The following SPC25 variants were observed in gnomAD, a reference collection of about 807,000 sequenced individuals.
SPC25 encodes the protein kinetochore protein Spc25.
SPC25 carries 22 observed loss-of-function variants against 29.6 expected under a neutral mutation model. That is an observed-to-expected ratio of 0.74 (90% CI 0.53 to 1.06). The LOEUF (loss-of-function observed/expected upper bound fraction) is 1.06. Among genes scored for constraint, SPC25 ranks in the 50% least tolerant of loss-of-function variants. The pLI is 0.00. For synonymous variants in SPC25, 91 were observed against 90.4 expected, an observed-to-expected ratio of 1.01 and a Z score of -0.04; for missense variants, 230 against 255.8, an observed-to-expected ratio of 0.90 and a Z score of 0.69.
chr2:168,861,838 C>G (rs1200233702), intron 4 of SPC25: 1 of 842,000 alleles, frequency 1.2e-6, no homozygotes, highest in East Asian at 2.6e-5. Flanking sequence ...TACAAACTTT[C>G]CTTTTGAGAA....
rs151239326 is a variant in SPC25, at chr2:168,878,846, G to A, written c.200-1462C>T. On this transcript the variant is annotated intron_variant, in intron 3 of 6. Transcript: ENST00000282074. ...GTGCTATTTTTAAGTACTGGCATAC[G>A]TTGGAGATATTGCAAGTTCTATTCC... Among the ~76,000 whole-genome samples, 14 of 152,178 alleles carry A rather than the reference G, an allele frequency of 9.2e-5. No individual in the cohort carries two copies. The East Asian group carries it at 2.7e-3, about 29-fold the overall frequency.
chr2:168,868,617 A>G (rs952357867), downstream of SPC25, among the ~76,000 whole-genome samples: 1 of 152,240 alleles, frequency 6.6e-6, no homozygotes, highest in African/African-American at 2.4e-5. Flanking sequence ...AGAAATGGAT[A>G]AATTCCTCGA....
intron 4 of SPC25, among the ~76,000 whole-genome samples, chr2:168,862,837 A>G (rs998698152): frequency 1.1e-4 from 17 of 152,234 alleles, no homozygotes; most frequent in Non-Finnish European, 1.8e-4. Context: ...TTAGTGAGAA[A>G]GAGTAACGTT....
In SPC25 at chr2:168,871,216, G is replaced by C; in HGVS notation, c.*215C>G. 3.8e-6 allele frequency: 1 copy of C among 262,016 alleles called. No homozygotes were observed. Among genetic ancestry groups the C allele is most frequent in the Non-Finnish European group, 7.0e-6 (1 of 141,908 alleles). 16.2% of individuals were successfully genotyped at this position (262,016 alleles called of 1,614,324 possible). A position where few individuals can be genotyped will look rare whatever the true frequency, so the allele number is the denominator to read the frequency against. The stretch of plus-strand genomic sequence containing the variant: ...ACAACGGGGACTGTTGTGGGTTGGG[G>C]GAGGGGGGAGGGATAGCATTAGGAG... On this transcript the variant is annotated 3_prime_UTR_variant, in exon 7 of 7. Coordinates refer to ENST00000282074, the MANE Select transcript of SPC25 (RefSeq NM_020675.4).
chr2:168,889,012 TATATATATACACATATATATAC>T (rs1270531071), intron 3 of SPC25, among the ~76,000 whole-genome samples, 192 bp downstream of exon 3: 1 of 62,602 alleles, frequency 1.6e-5, no homozygotes, highest in Non-Finnish European at 3.3e-5. Context: ...CACATATATG[TATATATATACACATATATATAC>T]ATATATATAT....
downstream of SPC25, among the ~76,000 whole-genome samples, chr2:168,870,290 G>C (rs1052515596): frequency 4.6e-5 from 7 of 151,656 alleles, no homozygotes; most frequent in Non-Finnish European, 1.0e-4. Flanking sequence ...TCAGGACATA[G>C]GCATGGGCAA....
rs1214096586 is a variant in SPC25, at chr2:168,871,193, A to T, written c.*238T>A. The T allele has an allele frequency of 2.4e-5, 5 of 211,686 alleles. No homozygotes were observed. The Admixed American group carries it at 2.6e-4, about 11-fold the overall frequency. The allele number at this position is 211,686 out of a possible 1,614,324, so 13.1% of individuals were successfully genotyped here. A position where few individuals can be genotyped will look rare whatever the true frequency, so the allele number is the denominator to read the frequency against. ...GGACACAGGAAGGGGAACATCACAC[A>T]ACGGGGACTGTTGTGGGTTGGGGGA... On this transcript the variant is annotated 3_prime_UTR_variant, in exon 7 of 7. Coordinates refer to ENST00000282074, the MANE Select transcript of SPC25 (RefSeq NM_020675.4).
chr2:168,875,417 T>A (rs1329484474), intron 5 of SPC25, among the ~76,000 whole-genome samples: 1 of 152,180 alleles, frequency 6.6e-6, no homozygotes, highest in African/African-American at 2.4e-5. Context: ...TCCTATACAT[T>A]CATACCTATG....
intron 3 of SPC25, among the ~76,000 whole-genome samples, chr2:168,879,185 C>T (rs936686725): frequency 1.1e-4 from 16 of 152,136 alleles, no homozygotes; most frequent in Admixed American, 9.2e-4. Flanking sequence ...TATAATAGGA[C>T]AACAATAAAG....
Position 168,873,692 on chromosome 2 carries a change from A to T in SPC25, c.452-9T>A. 6.4e-7 allele frequency: 1 copy of T among 1,574,074 alleles called. No individual in the cohort carries two copies. The highest frequency in any genetic ancestry group is 8.7e-7 in the Non-Finnish European group (1 of 1,144,670). On this transcript the variant is annotated splice_polypyrimidine_tract_variant and intron_variant, in intron 5 of 6. Coordinates refer to ENST00000282074, the MANE Select transcript of SPC25 (RefSeq NM_020675.4). ...AAACTGCAATTTCTCACCTGAAAAG[A>T]GATTAAACTATTTAGTGTGTCAAAG... is the stretch of plus-strand genomic sequence containing the variant.
intron 3 of SPC25, among the ~76,000 whole-genome samples, chr2:168,882,077 T>C (rs1690185355): frequency 6.6e-6 from 1 of 152,224 alleles, no homozygotes; most frequent in South Asian, 2.1e-4. Flanking sequence ...GATCTGGATA[T>C]ATGAAGAGAT....
intron 6 of SPC25, among the ~76,000 whole-genome samples, chr2:168,873,296 G>C (rs1288421919): frequency 6.6e-6 from 1 of 152,070 alleles, no homozygotes; most frequent in Admixed American, 6.6e-5. Flanking sequence ...TATCTAAAAG[G>C]ACAATTCATA....
rs1690333371 is a variant in SPC25 at position 168,889,026 on chromosome 2, T to TATATATACAC, written c.199+199_199+200insGTGTATATAT. Among the ~76,000 whole-genome samples the TATATATACAC allele has an allele frequency of 3.9e-5, 2 of 51,748 alleles. 1 individual carries two copies. Among genetic ancestry groups the TATATATACAC allele is most frequent in the African/African-American group, 1.6e-4 (2 of 12,554 alleles). The allele number at this position is 51,748 out of a possible 152,430, so 33.9% of individuals were successfully genotyped here. On this transcript the variant is annotated intron_variant, in intron 3 of 6. Coordinates refer to ENST00000282074, the MANE Select transcript of SPC25 (RefSeq NM_020675.4). ...ACACATATATGTATATATATACACA[T>TATATATACAC]ATATATACATATATATATACACATA...
At chr2:168,890,248 C>T (rs760042674) in intron 1 of SPC25, 70 bp downstream of exon 1, 10 of 809,230 alleles carry the variant, frequency 1.2e-5, no homozygotes, top group Non-Finnish European at 1.5e-5. Flanking sequence ...ACACATCCCG[C>T]CCTCAAATTC....
At chr2:168,882,593 C>T (rs893356758) in intron 3 of SPC25, among the ~76,000 whole-genome samples, 1 of 149,360 alleles carries the variant, frequency 6.7e-6, no homozygotes, top group Admixed American at 6.8e-5. Context: ...AGGGCGAGAC[C>T]CTGTCTCAAA....
At chr2:168,876,229 GCTCA>G (rs894880606) in intron 4 of SPC25, 53 bp from the exon 5 acceptor site, 8 of 1,199,882 alleles carry the variant, frequency 6.7e-6, no homozygotes, top group South Asian at 3.3e-5. Flanking sequence ...GCAAATTAAT[GCTCA>G]CTGAGTTAAT....
chr2:168,880,862 CA>C (rs879577880), intron 3 of SPC25, among the ~76,000 whole-genome samples: 1 of 152,186 alleles, frequency 6.6e-6, no homozygotes. Flanking sequence ...TTAAGTTTGT[CA>C]TCTTATATGG....
Position 168,871,575 on chromosome 2 carries a change from A to C in SPC25, c.551-20T>G. ...CTGACACTAGAAAAAAAAAAAAAAG[A>C]AATCAAAGACAATTAGAATGAGTTT... On this transcript the variant is annotated intron_variant, in intron 6 of 6. Coordinates refer to ENST00000282074, the MANE Select transcript of SPC25 (RefSeq NM_020675.4). The C allele has an allele frequency of 6.8e-7, 1 of 1,466,748 alleles. No homozygotes were observed. Among genetic ancestry groups the C allele is most frequent in the Admixed American group, 2.4e-5 (1 of 42,114 alleles). 90.9% of individuals were successfully genotyped at this position (1,466,748 alleles called of 1,614,324 possible). A position where few individuals can be genotyped will look rare whatever the true frequency, so the allele number is the denominator to read the frequency against.
chr2:168,881,222 C>A (rs1172202425), intron 3 of SPC25, among the ~76,000 whole-genome samples: 1 of 152,160 alleles, frequency 6.6e-6, no homozygotes, highest in African/African-American at 2.4e-5. Flanking sequence ...CTCTACCTTC[C>A]CTGCCTTCCC....
Sources: allele counts gnomAD v4.1 joint callset (sites outside exome capture counted in the v4.1 genomes callset), GRCh38; gene constraint gnomAD v4.1.1; transcripts MANE v1.5; gene names NCBI Gene and HGNC (gene_info 2026-07-23, HGNC 2026-07-21).